STK3: variants seen among roughly 807,000 people sequenced by gnomAD.
STK3 encodes the protein serine/threonine kinase 3.
A neutral mutation model predicts 58.0 loss-of-function variants in STK3; 41 were observed. The ratio of observed to expected loss-of-function variants is 0.71; its 90% CI spans 0.55 to 0.92. The LOEUF is 0.92. STK3 is among the 40% of genes least tolerant of loss of function. The pLI, the probability that STK3 is intolerant of heterozygous loss-of-function variation, is 0.00. For synonymous variants in STK3, 170 were observed against 191.0 expected, an observed-to-expected ratio of 0.89 and a Z score of 0.91; for missense variants, 479 against 602.7, an observed-to-expected ratio of 0.79 and a Z score of 2.15.
intron 6 of STK3, among the ~76,000 whole-genome samples, chr8:98,620,435 G>A (rs1379904923): frequency 7.0e-6 from 1 of 142,830 alleles, no homozygotes; most frequent in Non-Finnish European, 1.5e-5. Flanking sequence ...CCTGCACAAT[G>A]TGCACATGTA....
At chr8:98,692,772 ATTATAC>A (rs1035940154) in intron 6 of STK3, among the ~76,000 whole-genome samples, 14 of 152,082 alleles carry the variant, frequency 9.2e-5, no homozygotes, top group South Asian at 4.1e-4. Context: ...AAATTATGTA[ATTATAC>A]TTATACTATA....
At chr8:98,718,516 C>A (rs1827185004) in intron 4 of STK3, among the ~76,000 whole-genome samples, 1 of 152,154 alleles carries the variant, frequency 6.6e-6, no homozygotes, top group Non-Finnish European at 1.5e-5. Context: ...GCTGCACCAT[C>A]CAACAGAGTA....
intron 6 of STK3, among the ~76,000 whole-genome samples, chr8:98,674,918 T>C (rs1264708316): frequency 1.3e-5 from 2 of 152,196 alleles, no homozygotes; most frequent in African/African-American, 4.8e-5. Flanking sequence ...ACATTTCACA[T>C]ACACATTTAT....
intron 8 of STK3, among the ~76,000 whole-genome samples, chr8:98,574,559 A>G (rs1813231610): frequency 6.6e-6 from 1 of 152,228 alleles, no homozygotes; most frequent in South Asian, 2.1e-4. Flanking sequence ...AATTATCTCA[A>G]CAAAATGTAT....
At chr8:98,772,445 T>C (rs1310693291) in intron 2 of STK3, among the ~76,000 whole-genome samples, 1 of 152,066 alleles carries the variant, frequency 6.6e-6, no homozygotes, top group Non-Finnish European at 1.5e-5. Flanking sequence ...GTGCCTGTCA[T>C]CCCAACACTT....
At chr8:98,356,494 T>C in the STK3 span, among the ~76,000 whole-genome samples, 1 of 152,184 alleles carries the variant, frequency 6.6e-6, no homozygotes, top group Non-Finnish European at 1.5e-5. Context: ...ATCCAAATGC[T>C]GTCCCACCTT....
chr8:98,695,107 G>A (rs542421470), intron 6 of STK3, among the ~76,000 whole-genome samples: 2 of 152,202 alleles, frequency 1.3e-5, no homozygotes, highest in Non-Finnish European at 2.9e-5. Flanking sequence ...GCCAGTGATG[G>A]TGAGCATTTT....
intron 1 of STK3, among the ~76,000 whole-genome samples, chr8:98,792,080 C>G (rs1334745774): frequency 6.6e-6 from 1 of 152,118 alleles, no homozygotes; most frequent in Non-Finnish European, 1.5e-5. Context: ...GGACTAATAT[C>G]CAGAATCTAA....
intron 3 of STK3, among the ~76,000 whole-genome samples, chr8:98,759,585 A>G (rs1435149106): frequency 6.6e-6 from 1 of 152,196 alleles, no homozygotes; most frequent in African/African-American, 2.4e-5. Context: ...AAACTATTGG[A>G]AAAATGGTGC....
intron 6 of STK3, among the ~76,000 whole-genome samples, chr8:98,663,269 A>C (rs962677154): frequency 1.1e-4 from 17 of 152,238 alleles, no homozygotes; most frequent in African/African-American, 3.6e-4. Flanking sequence ...CACATGAAAA[A>C]ATGCTCATCA....
At chr8:98,872,996 A>G (rs1406322284) in intron 3 of STK3, among the ~76,000 whole-genome samples, 2 of 152,154 alleles carry the variant, frequency 1.3e-5, no homozygotes, top group East Asian at 3.9e-4. Context: ...ATTTCCCTCT[A>G]CACACTGCTT....
intron 10 of STK3, among the ~76,000 whole-genome samples, chr8:98,481,044 T>C (rs975425640): frequency 3.3e-5 from 5 of 152,190 alleles, no homozygotes; most frequent in African/African-American, 1.2e-4. Context: ...CTCTCTTTCC[T>C]TCACATTTTG....
At chr8:98,615,244 G>A in intron 6 of STK3, among the ~76,000 whole-genome samples, 1 of 149,800 alleles carries the variant, frequency 6.7e-6, no homozygotes, top group South Asian at 2.2e-4. Flanking sequence ...ACCTGCAGCT[G>A]AGGGTCCTGT....
At chr8:98,464,561 A>G (rs868807299) in intron 10 of STK3, among the ~76,000 whole-genome samples, 298 of 149,084 alleles carry the variant, frequency 2.0e-3, no homozygotes, top group African/African-American at 5.9e-3. Flanking sequence ...AAAAAAAAAA[A>G]AAAGAAAGAA....
chr8:98,819,883 A>G (rs1834776331), intron 1 of STK3, among the ~76,000 whole-genome samples: 1 of 152,068 alleles, frequency 6.6e-6, no homozygotes, highest in Non-Finnish European at 1.5e-5. Flanking sequence ...CCTACTATCT[A>G]CTTAACTGGT....
chr8:98,597,119 T>G (rs1188102649), intron 6 of STK3: 1 of 260,388 alleles, frequency 3.8e-6, no homozygotes, highest in Non-Finnish European at 6.0e-6. Context: ...ACTCCAGAAT[T>G]CAAGAAATAA....
intron 6 of STK3, among the ~76,000 whole-genome samples, chr8:98,662,982 G>A (rs970216246): frequency 3.9e-5 from 6 of 152,088 alleles, no homozygotes; most frequent in South Asian, 4.1e-4. Flanking sequence ...AGGACTTCAC[G>A]TCTAAAACAC....
chr8:98,515,532 C>T (rs906337836), intron 10 of STK3, among the ~76,000 whole-genome samples: 3 of 152,142 alleles, frequency 2.0e-5, no homozygotes, highest in African/African-American at 7.2e-5. Context: ...GGATTCAGTG[C>T]TATGATTTAT....
intron 4 of STK3, among the ~76,000 whole-genome samples, chr8:98,745,844 T>C (rs1829604892): frequency 6.6e-6 from 1 of 152,156 alleles, no homozygotes; most frequent in Non-Finnish European, 1.5e-5. Flanking sequence ...CTGAAAGACA[T>C]CATTAGGCAA....
Sources: gnomAD v4.1 joint callset for allele counts (sites outside exome capture counted in the v4.1 genomes callset) on GRCh38, gnomAD v4.1.1 for gene constraint, MANE v1.5 for transcripts, NCBI Gene and HGNC (gene_info 2026-07-23, HGNC 2026-07-21) for gene names.